The following WDR91 variants were observed in gnomAD, a reference collection of about 807,000 sequenced individuals.
WDR91 encodes the protein WD repeat domain 91.
WDR91 carries 52 observed loss-of-function variants against 88.4 expected under a neutral mutation model. That is an observed-to-expected ratio of 0.59 (90% CI 0.47 to 0.74). The LOEUF (loss-of-function observed/expected upper bound fraction) is 0.74, where lower values mean the gene tolerates loss of function less well. Ranked by LOEUF, WDR91 falls within the 30% of genes least tolerant of loss-of-function variation. The pLI is 0.00. For synonymous variants in WDR91, 362 were observed against 389.5 expected (o/e 0.93, Z 0.83); for missense variants, 824 against 954.5 (o/e 0.86, Z 1.80).
At chr7:135,189,221 G>T in intron 12 of WDR91, 123 bp downstream of exon 12, 1 of 712,822 alleles carries the variant, frequency 1.4e-6, no homozygotes, top group Non-Finnish European at 2.4e-6. Flanking sequence ...TGTAGTACAT[G>T]CATCTGAAGT....
At position 135,205,832 on chromosome 7, in the gene WDR91, G is replaced by T. The variant is rs1831750219; in HGVS notation, c.725+96C>A. ...GCTCTTCCGCAATTCTCCTTCAGCA[G>T]GCACAGAGGACTGCAGGCAAGGCAA... On this transcript the variant is annotated intron_variant, in intron 5 of 14. Transcript: ENST00000354475. 6 of 1,554,222 alleles carry T rather than the reference G, an allele frequency of 3.9e-6. No individual in the cohort carries two copies. The South Asian group carries it at 5.8e-5, about 15-fold the overall frequency.
At position 135,193,616 on chromosome 7, in the gene WDR91, C is replaced by A; in HGVS notation, c.1452G>T (p.Lys484Asn). 4 of 1,614,198 alleles carry A rather than the reference C, an allele frequency of 2.5e-6. No individual in the cohort carries two copies. Among genetic ancestry groups the A allele is most frequent in the Non-Finnish European group, 3.4e-6 (4 of 1,180,040 alleles). ...CGTTGATATTGATTTCACAGAGATTCTTCTTGGCTTCCGTGTCATAGAGAC... is the reference window on the plus strand; with the variant it reads ...CGTTGATATTGATTTCACAGAGATTATTCTTGGCTTCCGTGTCATAGAGAC... The part of the protein sequence containing the change: ...TVRLYDTEAK[K>N]NLCEININDN... Residue 484 changes from lysine (K) to asparagine (N), a missense_variant, in exon 10 of 15, where the codon AAG (lysine) becomes AAT (asparagine). Physicochemically the swap from Lys to Asn is moderately conservative, Grantham distance 94 (BLOSUM62 0). Transcript: ENST00000354475.
intron 7 of WDR91, 194 bp downstream of exon 7, chr7:135,197,799 T>C: frequency 1.6e-6 from 1 of 615,726 alleles, no homozygotes; most frequent in Non-Finnish European, 2.7e-6. Flanking sequence ...AAATGCTGCA[T>C]GGGAGAAATG....
In WDR91 at chr7:135,185,960, T is replaced by A; in HGVS notation, c.*191A>T. The stretch of plus-strand genomic sequence containing the variant: ...ACAATACCAGTCTCTGGGAAGCATA[T>A]GTCACCTACTCCACGTGGGTCCCAT... On this transcript the variant is annotated 3_prime_UTR_variant, in exon 15 of 15. Transcript: ENST00000354475. 1.7e-6 allele frequency: 1 copy of A among 574,294 alleles called. No homozygotes were observed. Among genetic ancestry groups the A allele is most frequent in the Non-Finnish European group, 2.9e-6 (1 of 344,996 alleles). The allele number at this position is 574,294 out of a possible 1,614,324, so 35.6% of individuals were successfully genotyped here.
At position 135,196,344 on chromosome 7, in the gene WDR91, C is replaced by G; in HGVS notation, c.1051-7G>C. Reference sequence around the variant, plus strand: ...CTGGTTTCTTCTCTGCACACTGTCACAAGCAGGGTGGGGACAAGTCAGCCA... The same window carrying G: ...CTGGTTTCTTCTCTGCACACTGTCAGAAGCAGGGTGGGGACAAGTCAGCCA... On this transcript the variant is annotated splice_region_variant and splice_polypyrimidine_tract_variant and intron_variant, in intron 7 of 14. Transcript: ENST00000354475. The surrounding 1 kb of genome is among the most constrained non-coding windows in gnomAD (Gnocchi z 4.2). The G allele has an allele frequency of 6.5e-7, 1 of 1,527,466 alleles. No homozygotes were observed. The highest frequency in any genetic ancestry group is 8.8e-7 in the Non-Finnish European group (1 of 1,135,852). The allele number at this position is 1,527,466 out of a possible 1,614,324, so 94.6% of individuals were successfully genotyped here.
intron 5 of WDR91, among the ~76,000 whole-genome samples, chr7:135,204,794 GAATA>G (rs1489829406): frequency 3.3e-5 from 5 of 151,978 alleles, no homozygotes; most frequent in Non-Finnish European, 7.4e-5. Flanking sequence ...GGCATGAAAA[GAATA>G]AAATAGCTCA....
In WDR91 at chr7:135,197,782, C is replaced by T. The variant is rs1377536837; in HGVS notation, c.1050+211G>A. 2.5e-5 allele frequency: 14 copies of T among 563,010 alleles called. 1 individual carries two copies. The highest frequency in any genetic ancestry group is 3.9e-5 in the Non-Finnish European group (13 of 330,808). The allele number at this position is 563,010 out of a possible 1,614,324, so 34.9% of individuals were successfully genotyped here. A position where few individuals can be genotyped will look rare whatever the true frequency, so the allele number is the denominator to read the frequency against. ...AGAGGCCTGCATTTTCTGGCCCCTA[C>T]TTAGGGAAATGCTGCATGGGAGAAA... On this transcript the variant is annotated intron_variant, in intron 7 of 14. Transcript: ENST00000354475.
intron 1 of WDR91, among the ~76,000 whole-genome samples, chr7:135,211,093 C>T (rs1378076877): frequency 6.6e-6 from 1 of 152,222 alleles, no homozygotes; most frequent in Non-Finnish European, 1.5e-5. Flanking sequence ...TCATCGCCAT[C>T]CTGGCCAAGG....
At chr7:135,205,743 G>C (rs980607925) in intron 5 of WDR91, among the ~76,000 whole-genome samples, 185 bp downstream of exon 5, 3 of 152,216 alleles carry the variant, frequency 2.0e-5, no homozygotes, top group African/African-American at 7.2e-5. Flanking sequence ...CTGGGCGACA[G>C]AGCGAGACTC....
At chr7:135,208,587 GCA>G (rs1362114318) in intron 3 of WDR91, among the ~76,000 whole-genome samples, 1 of 152,182 alleles carries the variant, frequency 6.6e-6, no homozygotes, top group African/African-American at 2.4e-5. Context: ...TACTTCAGCA[GCA>G]CAGTGTCAGA....
chr7:135,188,609 A>C, intron 12 of WDR91, 64 bp from the exon 13 acceptor site: 12 of 1,386,480 alleles, frequency 8.7e-6, no homozygotes, highest in Non-Finnish European at 1.2e-5. Context: ...ATCTGCCTGC[A>C]GCAGGAGGCC....
chr7:135,189,256 C>T (rs1831072428), intron 12 of WDR91, 88 bp downstream of exon 12: 1 of 1,170,648 alleles, frequency 8.5e-7, no homozygotes, highest in Non-Finnish European at 1.2e-6. Flanking sequence ...AGCCTCTAGC[C>T]CAGCTGGCAA....
intron 5 of WDR91, among the ~76,000 whole-genome samples, chr7:135,204,900 G>A (rs1035292687): frequency 6.8e-6 from 1 of 147,820 alleles, no homozygotes; most frequent in Non-Finnish European, 1.5e-5. Flanking sequence ...ACTTCATCTT[G>A]TTTTTTTTTT....
At chr7:135,198,357 G>C (rs190506114) in intron 6 of WDR91, 1 of 548,064 alleles carries the variant, frequency 1.8e-6, no homozygotes, top group African/African-American at 1.9e-5. Flanking sequence ...TAAGAGGACA[G>C]GTCACCTGCA....
chr7:135,197,883 G>A (rs1831428193), intron 7 of WDR91, 110 bp downstream of exon 7: 1 of 1,370,344 alleles, frequency 7.3e-7, no homozygotes, highest in Non-Finnish European at 9.9e-7. Context: ...TTAAGCAAAA[G>A]CACACTCTGC....
chr7:135,192,893 G>C (rs1364323221), intron 11 of WDR91, among the ~76,000 whole-genome samples: 2 of 152,116 alleles, frequency 1.3e-5, no homozygotes, highest in East Asian at 3.9e-4. Flanking sequence ...CGCTTCTTAC[G>C]AATCTGTATG....
intron 11 of WDR91, among the ~76,000 whole-genome samples, chr7:135,190,598 T>TC (rs973298658): frequency 2.4e-4 from 37 of 151,498 alleles, no homozygotes; most frequent in Middle Eastern, 3.4e-3. Flanking sequence ...ACAAGCACAT[T>TC]CAATTGTTCA....
chr7:135,211,276 C>A, intron 1 of WDR91, 104 bp downstream of exon 1: 1 of 1,453,398 alleles, frequency 6.9e-7, no homozygotes. Flanking sequence ...CGCCCCGGCG[C>A]GAGTGACAGC....
intron 5 of WDR91, 113 bp downstream of exon 5, chr7:135,205,814 CG>C: frequency 7.4e-6 from 11 of 1,491,254 alleles, no homozygotes; most frequent in Non-Finnish European, 1.0e-5. Context: ...GAGGCTCTTC[CG>C]CAATTCTCCT....
Sources: allele counts gnomAD v4.1 joint callset (sites outside exome capture counted in the v4.1 genomes callset), GRCh38; gene constraint gnomAD v4.1.1; non-coding constraint Gnocchi (gnomAD v3.1); transcripts MANE v1.5; gene names NCBI Gene and HGNC (gene_info 2026-07-23, HGNC 2026-07-21).